Variants in PKHD1 observed in about 807,000 individuals in gnomAD.
PKHD1 encodes the protein fibrocystin.
A neutral mutation model predicts 412.0 loss-of-function variants in PKHD1; 291 were observed. The ratio of observed to expected loss-of-function variants is 0.71; its 90% confidence interval spans 0.64 to 0.78. The LOEUF (loss-of-function observed/expected upper bound fraction) is 0.78, where lower values mean the gene tolerates loss of function less well. Ranked by LOEUF, PKHD1 falls within the 30% of genes least tolerant of loss-of-function variation. The pLI is 0.00. For missense variants in PKHD1, 4,825 were observed against 4,950.7 expected (o/e 0.97, Z 0.76); for synonymous variants, 1,777 against 1,821.5 (o/e 0.98, Z 0.62).
In PKHD1 at chr6:51,653,938, G is replaced by T. The variant is rs546431873; in HGVS notation, c.11175-4718C>A. ...AACTCTGCATTTTTAAAGACCATAC[G>T]CAAAATAATCAAATTTTCCTGTTTA... is the stretch of plus-strand genomic sequence containing the variant. On this transcript the variant is annotated intron_variant, in intron 61 of 66. Transcript: ENST00000371117. Among the ~76,000 whole-genome samples the T allele has an allele frequency of 1.5e-3, 221 of 152,142 alleles. 1 individual carries two copies. Among genetic ancestry groups the T allele is most frequent in the Middle Eastern group, 0.01 (3 of 292 alleles).
intron 49 of PKHD1, among the ~76,000 whole-genome samples, chr6:51,850,433 G>A (rs1448309396): frequency 6.6e-6 from 1 of 152,186 alleles, no homozygotes; most frequent in Non-Finnish European, 1.5e-5. Context: ...TGTGAAGAAT[G>A]TCAGTGGTAG....
chr6:51,780,291 C>A (rs1791766540), intron 53 of PKHD1, among the ~76,000 whole-genome samples: 1 of 151,782 alleles, frequency 6.6e-6, no homozygotes, highest in African/African-American at 2.4e-5. Flanking sequence ...GAGGCTGAGG[C>A]AGGAGAATAG....
At chr6:51,787,575 T>C (rs1251071669) in intron 53 of PKHD1, among the ~76,000 whole-genome samples, 1 of 152,148 alleles carries the variant, frequency 6.6e-6, no homozygotes, top group Non-Finnish European at 1.5e-5. Context: ...AAGTCTTCCT[T>C]CAGGCACAAT....
At chr6:51,710,812 C>T (rs1780566448) in intron 60 of PKHD1, among the ~76,000 whole-genome samples, 1 of 152,132 alleles carries the variant, frequency 6.6e-6, no homozygotes, top group South Asian at 2.1e-4. Flanking sequence ...AATGAGAAGA[C>T]TGAGGCTAGG....
At chr6:51,796,426 TA>T (rs1794608862) in intron 52 of PKHD1, among the ~76,000 whole-genome samples, 2 of 96,356 alleles carry the variant, frequency 2.1e-5, no homozygotes, top group East Asian at 9.4e-4. Flanking sequence ...GCAGTCTATT[TA>T]ATTAGTTTTT....
At chr6:52,033,374 T>C (rs1161604695) in intron 28 of PKHD1, among the ~76,000 whole-genome samples, 2 of 152,182 alleles carry the variant, frequency 1.3e-5, no homozygotes, top group Admixed American at 6.5e-5. Context: ...CACAGAGTGA[T>C]AAGTGCTTGG....
chr6:51,799,053 C>A (rs1318023142), intron 52 of PKHD1, among the ~76,000 whole-genome samples: 3 of 152,148 alleles, frequency 2.0e-5, no homozygotes, highest in Admixed American at 2.0e-4. Context: ...CACAGACAGA[C>A]TATTATAACC....
At chr6:51,939,346 G>A (rs1377365498) in intron 36 of PKHD1, among the ~76,000 whole-genome samples, 1 of 151,198 alleles carries the variant, frequency 6.6e-6, no homozygotes, top group East Asian at 1.9e-4. Flanking sequence ...AGAACCCGCT[G>A]ACCCCTTCTC....
intron 66 of PKHD1, among the ~76,000 whole-genome samples, chr6:51,625,612 A>G (rs954467189): frequency 5.3e-5 from 8 of 152,172 alleles, no homozygotes; most frequent in Non-Finnish European, 1.0e-4. Flanking sequence ...CTAATAATTT[A>G]TTAATAAGCC....
At chr6:51,624,005 T>C (rs1386856091) in intron 66 of PKHD1, among the ~76,000 whole-genome samples, 1 of 152,226 alleles carries the variant, frequency 6.6e-6, no homozygotes, top group Non-Finnish European at 1.5e-5. Context: ...ATTCCATTGT[T>C]AATTATGATA....
intron 35 of PKHD1, among the ~76,000 whole-genome samples, chr6:51,982,425 A>G (rs1173306276): frequency 7.3e-6 from 1 of 136,782 alleles, no homozygotes; most frequent in Non-Finnish European, 1.6e-5. Context: ...TTGTGTGGAT[A>G]GAAGTAGACA....
At chr6:52,019,333 A>G (rs1801055591) in intron 33 of PKHD1, among the ~76,000 whole-genome samples, 1 of 152,194 alleles carries the variant, frequency 6.6e-6, no homozygotes, top group Non-Finnish European at 1.5e-5. Flanking sequence ...GTAGTTATGC[A>G]ATCATGCCCA....
At chr6:51,801,768 C>A (rs1303302253) in intron 52 of PKHD1, among the ~76,000 whole-genome samples, 1 of 151,782 alleles carries the variant, frequency 6.6e-6, no homozygotes, top group Non-Finnish European at 1.5e-5. Flanking sequence ...ACAATAAATC[C>A]CCATCCCACT....
chr6:51,906,187 A>G, intron 41 of PKHD1, 28 bp downstream of exon 41: 1 of 1,598,386 alleles, frequency 6.3e-7, no homozygotes. Flanking sequence ...ACAAGAATGC[A>G]GAAATTCAAC....
intron 33 of PKHD1, among the ~76,000 whole-genome samples, chr6:52,020,373 C>G (rs1023671971): frequency 1.2e-4 from 19 of 152,198 alleles, no homozygotes; most frequent in African/African-American, 4.3e-4. Flanking sequence ...ACACAGGCAT[C>G]TTACGATGCT....
intron 60 of PKHD1, among the ~76,000 whole-genome samples, chr6:51,667,247 T>G (rs1186020987): frequency 6.7e-6 from 1 of 148,150 alleles, no homozygotes; most frequent in Admixed American, 6.8e-5. Context: ...CTAACTGGTG[T>G]GAGATGGTAT....
chr6:51,906,079 T>C (rs1782028011), intron 41 of PKHD1, 136 bp downstream of exon 41: 2 of 739,432 alleles, frequency 2.7e-6, no homozygotes, highest in South Asian at 3.0e-5. Flanking sequence ...TTTAGAATGT[T>C]TTACTGTAGC....
At chr6:51,711,464 C>T (rs1205112117) in intron 60 of PKHD1, among the ~76,000 whole-genome samples, 1 of 152,206 alleles carries the variant, frequency 6.6e-6, no homozygotes, top group African/African-American at 2.4e-5. Flanking sequence ...TAATATGCAG[C>T]AGCTAATATA....
chr6:51,667,954 T>C (rs1406192040), intron 60 of PKHD1, among the ~76,000 whole-genome samples: 1 of 152,162 alleles, frequency 6.6e-6, no homozygotes, highest in African/African-American at 2.4e-5. Context: ...TGTAGCCTTG[T>C]AGTATAGTTT....
Sources: gnomAD v4.1 joint callset for allele counts (sites outside exome capture counted in the v4.1 genomes callset) on GRCh38, gnomAD v4.1.1 for gene constraint, MANE v1.5 for transcripts, NCBI Gene and HGNC (gene_info 2026-07-23, HGNC 2026-07-21) for gene names.